Variants in RASSF8 observed in about 807,000 individuals in gnomAD.
The protein encoded by RASSF8 is Ras association domain family member 8.
A neutral mutation model predicts 48.5 loss-of-function variants in RASSF8; 22 were observed. The observed-to-expected ratio is 0.45, with a 90% CI of 0.32 to 0.65. RASSF8 has a LOEUF of 0.65. Ranked by LOEUF, RASSF8 falls within the 30% of genes least tolerant of loss-of-function variation. The probability of loss-of-function intolerance (pLI) is 0.03; values close to 1 mark genes in which losing one functional copy is unlikely to be tolerated. For missense variants in RASSF8, 418 were observed against 489.2 expected (o/e 0.85, Z 1.37); for synonymous variants, 127 against 171.5 (o/e 0.74, Z 2.03).
chr12:26,065,227 A>G lies in RASSF8; in HGVS notation c.833A>G (p.Gln278Arg). 6.2e-7 allele frequency: 1 copy of G among 1,614,188 alleles called. No individual in the cohort carries two copies. Among genetic ancestry groups the G allele is most frequent in the Middle Eastern group, 1.6e-4 (1 of 6,062 alleles). Reference sequence around the variant, plus strand: ...AGTGGTCTTGAAGCAGAAAAATTGCAACGGGAAGTTCAAGAGGCACAGGTC... The same window carrying G: ...AGTGGTCTTGAAGCAGAAAAATTGCGACGGGAAGTTCAAGAGGCACAGGTC... ...MESGLEAEKL[Q>R]REVQEAQVNE... Residue 278 changes from glutamine (Q) to arginine (R), a missense_variant, in exon 4 of 6, where the codon CAA becomes CGA. Transcript: ENST00000689635.
intron 1 of RASSF8, among the ~76,000 whole-genome samples, chr12:25,978,896 C>T (rs763423878): frequency 1.3e-5 from 2 of 151,942 alleles, no homozygotes; most frequent in Non-Finnish European, 2.9e-5. Flanking sequence ...ATGTTTCTTG[C>T]CCACTATTGG....
At chr12:26,006,392 T>C (rs1942392734) in intron 2 of RASSF8, among the ~76,000 whole-genome samples, 1 of 152,224 alleles carries the variant, frequency 6.6e-6, no homozygotes, top group South Asian at 2.1e-4. Context: ...ACTTGAATAT[T>C]GGATATAATG....
intron 2 of RASSF8, among the ~76,000 whole-genome samples, chr12:26,039,192 C>T (rs965871847): frequency 6.6e-6 from 1 of 152,166 alleles, no homozygotes; most frequent in African/African-American, 2.4e-5. Context: ...ACTTTCACAG[C>T]ATTGCCAGAA....
chr12:26,058,237 A>G (rs1943653949), intron 3 of RASSF8, among the ~76,000 whole-genome samples: 1 of 152,224 alleles, frequency 6.6e-6, no homozygotes, highest in African/African-American at 2.4e-5. Context: ...TAAATACTTC[A>G]TTGAACTCAG....
chr12:25,981,266 T>C (rs1488916077), intron 1 of RASSF8, among the ~76,000 whole-genome samples: 1 of 151,432 alleles, frequency 6.6e-6, no homozygotes, highest in African/African-American at 2.4e-5. Context: ...GGGAAGAGAG[T>C]CTAGTGGCAG....
chr12:25,966,437 T>TGGCCTCAAGCA (rs1423442512), intron 1 of RASSF8, among the ~76,000 whole-genome samples: 2 of 152,172 alleles, frequency 1.3e-5, no homozygotes, highest in African/African-American at 2.4e-5. Flanking sequence ...CTTGAACTCC[T>TGGCCTCAAGCA]GGCCTCAAGC....
At chr12:26,067,786 A>T (rs1943911997) in intron 5 of RASSF8, 73 bp downstream of exon 5, 1 of 1,574,844 alleles carries the variant, frequency 6.3e-7, no homozygotes, top group African/African-American at 1.4e-5. Flanking sequence ...TTGTTTTTTG[A>T]GATAGTATCA....
intron 2 of RASSF8, among the ~76,000 whole-genome samples, chr12:26,048,816 C>T (rs1050990904): frequency 6.6e-6 from 1 of 152,064 alleles, no homozygotes; most frequent in Non-Finnish European, 1.5e-5. Flanking sequence ...TGCAATGGTG[C>T]ATTCTTGGCT....
intron 4 of RASSF8, 132 bp downstream of exon 4, chr12:26,065,519 C>A: frequency 8.2e-7 from 1 of 1,213,206 alleles, no homozygotes; most frequent in Non-Finnish European, 1.1e-6. Flanking sequence ...AAACTTTTGT[C>A]GAACTCTTGT....
intron 1 of RASSF8, among the ~76,000 whole-genome samples, chr12:25,970,004 T>TG (rs1941447894): frequency 6.6e-6 from 1 of 152,130 alleles, no homozygotes; most frequent in South Asian, 2.1e-4. Context: ...CTATAGTCCC[T>TG]GTGTGGGCAG....
At chr12:25,979,115 A>G (rs1161319569) in intron 1 of RASSF8, among the ~76,000 whole-genome samples, 1 of 152,204 alleles carries the variant, frequency 6.6e-6, no homozygotes, top group African/African-American at 2.4e-5. Flanking sequence ...AAATAGTGAT[A>G]TTCCCAATCA....
In RASSF8 at chr12:26,064,721, A is replaced by T. The variant is rs769273436; in HGVS notation, c.327A>T (p.Leu109Phe). The T allele has an allele frequency of 5.0e-6, 8 of 1,614,188 alleles. No homozygotes were observed. Among genetic ancestry groups the T allele is most frequent in the Non-Finnish European group, 6.8e-6 (8 of 1,180,020 alleles). ...RTLYRQSLPP[L>F]AKLRPQIDKS... is the part of the protein sequence containing the mutation. Reference sequence around the variant, plus strand: ...TATACAGGCAGAGTCTGCCCCCCTTAGCTAAACTGAGGCCTCAGATTGACA... The same window carrying T: ...TATACAGGCAGAGTCTGCCCCCCTTTGCTAAACTGAGGCCTCAGATTGACA... Residue 109 changes from leucine (L) to phenylalanine (F), a missense_variant, in exon 4 of 6, where the codon TTA becomes TTT. Coordinates refer to ENST00000689635, the MANE Select transcript of RASSF8 (RefSeq NM_001394098.1).
intron 4 of RASSF8, among the ~76,000 whole-genome samples, chr12:26,067,249 TG>T (rs1394359917): frequency 4.5e-4 from 68 of 152,234 alleles, no homozygotes; most frequent in Non-Finnish European, 4.4e-5. Flanking sequence ...AACCCATTTT[TG>T]TTTTTGTTTT....
At chr12:25,964,607 A>T (rs1015601875) in intron 1 of RASSF8, among the ~76,000 whole-genome samples, 1 of 152,176 alleles carries the variant, frequency 6.6e-6, no homozygotes, top group Admixed American at 6.5e-5. Context: ...AAATCGCTTA[A>T]GACTAAATTA....
At position 26,070,464 on chromosome 12, in the gene RASSF8, T is replaced by C; in HGVS notation, c.*1646T>C. On this transcript the variant is annotated 3_prime_UTR_variant, in exon 6 of 6. Transcript: ENST00000689635. ...CGGACCTCAACTGAAGATATGAGTT[T>C]CTTTGGGTTCTTGGAGTTATCAAAT... is the stretch of plus-strand genomic sequence containing the variant. 1 of 985,398 alleles carries C rather than the reference T, an allele frequency of 1.0e-6. No homozygotes were observed. Among genetic ancestry groups the C allele is most frequent in the Non-Finnish European group, 1.2e-6 (1 of 829,878 alleles). The allele number at this position is 985,398 out of a possible 1,614,324, so 61.0% of individuals were successfully genotyped here. A position where few individuals can be genotyped will look rare whatever the true frequency, so the allele number is the denominator to read the frequency against.
chr12:25,985,140 G>T (rs1941842634), intron 1 of RASSF8, among the ~76,000 whole-genome samples: 1 of 152,114 alleles, frequency 6.6e-6, no homozygotes, highest in Non-Finnish European at 1.5e-5. Context: ...TAACTCCCAG[G>T]TTATTGCACT....
At chr12:26,079,656 G>C (rs1042589087) in exon 6 of RASSF8, 5 of 151,778 alleles carry the variant, frequency 3.3e-5, no homozygotes, top group African/African-American at 1.2e-4. Flanking sequence ...ATATGAAAAA[G>C]TGCTCAACAT....
intron 3 of RASSF8, among the ~76,000 whole-genome samples, chr12:26,064,290 T>C (rs1038949819): frequency 2.6e-5 from 4 of 152,204 alleles, no homozygotes; most frequent in African/African-American, 9.7e-5. Flanking sequence ...AAAGAGTATG[T>C]GCAATACACA....
intron 2 of RASSF8, among the ~76,000 whole-genome samples, chr12:26,026,395 T>C (rs2137087242): frequency 6.6e-6 from 1 of 152,168 alleles, no homozygotes; most frequent in East Asian, 1.9e-4. Flanking sequence ...AAAATGAAAA[T>C]AAGATATGAT....
Sources: gnomAD v4.1 joint callset for allele counts (sites outside exome capture counted in the v4.1 genomes callset) on GRCh38, gnomAD v4.1.1 for gene constraint, MANE v1.5 for transcripts, NCBI Gene and HGNC (gene_info 2026-07-23, HGNC 2026-07-21) for gene names.